The following CHRD variants were observed in gnomAD, a reference collection of about 807,000 sequenced individuals.
The protein encoded by CHRD is chordin.
A neutral mutation model predicts 113.7 loss-of-function variants in CHRD; 69 were observed. The observed-to-expected ratio is 0.61, with a 90% CI of 0.50 to 0.74. The LOEUF is 0.74. Ranked by LOEUF, CHRD falls within the 30% of genes least tolerant of loss-of-function variation. The probability of loss-of-function intolerance (pLI) is 0.00; values close to 1 mark genes in which losing one functional copy is unlikely to be tolerated. For synonymous variants in CHRD, 561 were observed against 540.8 expected (o/e 1.04, Z -0.52); for missense variants, 1,194 against 1,295.8 (o/e 0.92, Z 1.21).
At chr3:184,385,309 T>C in intron 14 of CHRD, 71 bp downstream of exon 14, 1 of 1,179,912 alleles carries the variant, frequency 8.5e-7, no homozygotes, top group Non-Finnish European at 1.2e-6. Flanking sequence ...TGTGGGCCTG[T>C]GTTGGGGAAA....
chr3:184,388,113 G>A lies in CHRD; in HGVS notation c.2554+80G>A, dbSNP rs545364948. 9.8e-6 allele frequency: 12 copies of A among 1,218,872 alleles called. No homozygotes were observed. In the South Asian group the frequency reaches 1.5e-4, roughly 16 times the overall value. 75.5% of individuals were successfully genotyped at this position (1,218,872 alleles called of 1,614,324 possible). ...TCCTGGGTGAGGGGAAGGGTGCTCA[G>A]TTAATTGAGCATTATACTGAGCACT... On this transcript the variant is annotated intron_variant, in intron 20 of 22. Coordinates refer to ENST00000204604, the Ensembl canonical transcript of CHRD. This position sits in a 1 kb window ranked among gnomAD's most constrained non-coding sequence, Gnocchi z 6.1.
Position 184,387,073 on chromosome 3 carries a change from G to C in CHRD, c.2313G>C (p.Leu771Phe). Residue 771 changes from leucine (L) to phenylalanine (F), a missense_variant, in exon 18 of 23, where the codon TTG (leucine) becomes TTC (phenylalanine). Physicochemically the swap from Leu to Phe is conservative, Grantham distance 22. Coordinates refer to ENST00000204604, the Ensembl canonical transcript of CHRD. The surrounding 1 kb of genome is among the most constrained non-coding windows in gnomAD (Gnocchi z 6.1). ...CAGAGAAACAAGATGTCAGAGACTTGCCAGGGCTGCCAAGGAGCCGGGACC... is the reference window on the plus strand; with the variant it reads ...CAGAGAAACAAGATGTCAGAGACTTCCCAGGGCTGCCAAGGAGCCGGGACC... The C allele has an allele frequency of 6.2e-7, 1 of 1,614,184 alleles. No individual in the cohort carries two copies. The highest frequency in any genetic ancestry group is 1.1e-5 in the South Asian group (1 of 91,078).
chr3:184,384,963 AGG>A lies in CHRD; in HGVS notation c.1598-53_1598-52del. On this transcript the variant is annotated intron_variant, in intron 13 of 22. Transcript: ENST00000204604. This position sits in a 1 kb window ranked among gnomAD's most constrained non-coding sequence, Gnocchi z 4.4. ...TGGGGAGCTGGGAATGCTGGGTTTG[AGG>A]GCTTGCCCTAGGCCACCTTCTCACC... 6.4e-7 allele frequency: 1 copy of A among 1,559,602 alleles called. No individual in the cohort carries two copies. The highest frequency in any genetic ancestry group is 1.1e-5 in the South Asian group (1 of 89,266).
chr3:184,388,742 G>A lies in CHRD; in HGVS notation c.2709+1G>A. The A allele has an allele frequency of 6.2e-7, 1 of 1,613,968 alleles. No individual in the cohort carries two copies. Among genetic ancestry groups the A allele is most frequent in the Non-Finnish European group, 8.5e-7 (1 of 1,179,980 alleles). ...GAGCTGTATCACCTGCAGATGTGGGGTAAGTGGGGAGCAGAGGCTTGTGTG... is the reference window on the plus strand; with the variant it reads ...GAGCTGTATCACCTGCAGATGTGGGATAAGTGGGGAGCAGAGGCTTGTGTG... On this transcript the variant is annotated splice_donor_variant, in intron 21 of 22. Coordinates refer to ENST00000204604, the Ensembl canonical transcript of CHRD. LOFTEE classifies it high-confidence loss of function. This position sits in a 1 kb window ranked among gnomAD's most constrained non-coding sequence, Gnocchi z 6.1.
intron 14 of CHRD, among the ~76,000 whole-genome samples, chr3:184,385,747 C>T (rs1171526206): frequency 7.1e-6 from 1 of 141,486 alleles, no homozygotes; most frequent in Non-Finnish European, 1.5e-5. Flanking sequence ...CTCTGACTGG[C>T]TTTTTATTAT....
chr3:184,389,238 A>G (rs2108665063), intron 22 of CHRD, 129 bp from the exon 23 acceptor site: 3 of 782,750 alleles, frequency 3.8e-6, no homozygotes, highest in South Asian at 1.7e-5. Context: ...AGCTGTGTGC[A>G]CTGACCTGTT....
Position 184,380,344 on chromosome 3 carries a change from C to G in CHRD, c.26C>G (p.Ala9Gly), listed in dbSNP as rs970737369. ...ATGCCGAGCCTCCCGGCCCCGCCGGCCCCGCTGCTGCTCCTCGGGCTGCTG... is the reference window on the plus strand; with the variant it reads ...ATGCCGAGCCTCCCGGCCCCGCCGGGCCCGCTGCTGCTCCTCGGGCTGCTG... Residue 9 changes from alanine to glycine, a missense_variant, in exon 1 of 23, where the codon GCC becomes GGC. Transcript: ENST00000204604. The surrounding 1 kb of genome is among the most constrained non-coding windows in gnomAD (Gnocchi z 6.3). 51 of 1,354,358 alleles carry G rather than the reference C, an allele frequency of 3.8e-5. No individual in the cohort carries two copies. The highest frequency in any genetic ancestry group is 4.8e-5 in the Non-Finnish European group (50 of 1,043,230). 83.9% of individuals were successfully genotyped at this position (1,354,358 alleles called of 1,614,324 possible).
At chr3:184,383,409 G>C (rs1577393083) in exon 11 of CHRD, 4 of 1,613,922 alleles carry the variant, frequency 2.5e-6, no homozygotes, top group Non-Finnish European at 3.4e-6. Context: ...ATGGCTCCCT[G>C]ATCTATCAGG....
Position 184,388,014 on chromosome 3 carries a change from CT to C in CHRD, c.2536del (p.Cys846AlafsTer50). 6.2e-7 allele frequency: 1 copy of C among 1,613,684 alleles called. No homozygotes were observed. The highest frequency in any genetic ancestry group is 8.5e-7 in the Non-Finnish European group (1 of 1,179,918). On this transcript the variant is annotated frameshift_variant, in exon 20 of 23. Coordinates refer to ENST00000204604, the Ensembl canonical transcript of CHRD. LOFTEE classifies it high-confidence loss of function. The surrounding 1 kb of genome is among the most constrained non-coding windows in gnomAD (Gnocchi z 6.1). ...AGCCTGTGCGTGTCAACCCCACCGA[CT>C]GCTGCAAACAGTGTCCAGGTGAGAG... is the stretch of plus-strand genomic sequence containing the variant.
intron 22 of CHRD, 55 bp from the exon 23 acceptor site, chr3:184,389,311 CT>C: frequency 1.3e-6 from 2 of 1,554,058 alleles, no homozygotes; most frequent in African/African-American, 2.7e-5. Flanking sequence ...CTATGCCTCT[CT>C]GTGCCTCTCC....
chr3:184,389,081 T>C, intron 22 of CHRD, 86 bp downstream of exon 22: 2 of 960,260 alleles, frequency 2.1e-6, no homozygotes, highest in Non-Finnish European at 3.2e-6. Flanking sequence ...GAGCACTCAC[T>C]GTGTGCAGGA....
intron 12 of CHRD, among the ~76,000 whole-genome samples, chr3:184,383,881 A>C (rs748393888): frequency 3.3e-4 from 48 of 146,956 alleles, no homozygotes; most frequent in Non-Finnish European, 5.2e-4. Flanking sequence ...GGTTCAAGCG[A>C]TTCTCCTGCC....
exon 17 of CHRD, chr3:184,386,872 G>C (rs774373999): frequency 6.2e-7 from 1 of 1,614,188 alleles, no homozygotes; most frequent in South Asian, 1.1e-5. Context: ...TGACCCGGTG[G>C]TGTGCCCACC....
rs1326883893 is a variant in CHRD at position 184,388,979 on chromosome 3, C to T, written c.2796C>T (p.Cys932=). The T allele has an allele frequency of 5.0e-6, 8 of 1,611,090 alleles. No individual in the cohort carries two copies. The Admixed American group carries it at 6.7e-5, about 13-fold the overall frequency. The change falls in exon 22 of 23, where the codon TGC becomes TGT. Residue 932 remains cysteine (C), a synonymous_variant. Coordinates refer to ENST00000204604, the Ensembl canonical transcript of CHRD. The surrounding 1 kb of genome is among the most constrained non-coding windows in gnomAD (Gnocchi z 6.1). ...AGGAGAGTCGATGCTGTTCCCGCTG[C>T]ACGGCCCACCGGCGGCGTAAGTGAG...
exon 23 of CHRD, chr3:184,389,452 G>A (rs762456022): frequency 6.2e-7 from 1 of 1,605,548 alleles, no homozygotes; most frequent in Non-Finnish European, 8.5e-7. Context: ...GTGACCAAGA[G>A]GATGGGGCCT....
chr3:184,382,044 A>G lies in CHRD; in HGVS notation c.699+24A>G, dbSNP rs1485004987. The stretch of plus-strand genomic sequence containing the variant: ...TGGTGAGATGATGCCATTTATGAGC[A>G]CTTGCCCAGTCTGGGCACTGTGCCG... On this transcript the variant is annotated intron_variant, in intron 6 of 22. Transcript: ENST00000204604. 3 of 1,612,406 alleles carry G rather than the reference A, an allele frequency of 1.9e-6. No individual in the cohort carries two copies. The African/African-American group carries it at 4.0e-5, about 22-fold the overall frequency.
rs373478044 is a variant in CHRD, at chr3:184,387,417, G to A, written c.2391G>A (p.Thr797=). ...ACCGGAGCTGGCGGGCAGCGGGTAC[G>A]CGGTGGCACCCCGTTGTGCCCCCCT... The change falls in exon 19 of 23, where the codon ACG becomes ACA. Residue 797 remains threonine (T), a synonymous_variant. Coordinates refer to ENST00000204604, the Ensembl canonical transcript of CHRD. The surrounding 1 kb of genome is among the most constrained non-coding windows in gnomAD (Gnocchi z 6.1). 30 of 1,612,954 alleles carry A rather than the reference G, an allele frequency of 1.9e-5. No individual in the cohort carries two copies. Among genetic ancestry groups the A allele is most frequent in the African/African-American group, 1.6e-4 (12 of 74,912 alleles).
At chr3:184,386,696 C>A (rs1248400758) in exon 16 of CHRD, 7 of 1,612,574 alleles carry the variant, frequency 4.3e-6, no homozygotes, top group Non-Finnish European at 5.9e-6. Flanking sequence ...GCAGCAGCGC[C>A]CCCACGGGGC....
chr3:184,390,603 C>T (rs555882637), downstream of CHRD: 24 of 151,754 alleles, frequency 1.6e-4, no homozygotes, highest in African/African-American at 4.3e-4. Flanking sequence ...TTACCCTCTT[C>T]TCTCTCCCCT....
Sources: allele counts gnomAD v4.1 joint callset (sites outside exome capture counted in the v4.1 genomes callset), GRCh38; gene constraint gnomAD v4.1.1; non-coding constraint Gnocchi (gnomAD v3.1); transcripts MANE v1.5; gene names NCBI Gene and HGNC (gene_info 2026-07-23, HGNC 2026-07-21).